Variants in RTN4 observed in about 807,000 individuals in gnomAD.
RTN4 encodes the protein reticulon 4, also known as reticulon-4.
Under a neutral mutation model 90.4 loss-of-function variants are expected in RTN4, and 32 were observed. The observed-to-expected ratio is 0.35, with a 90% CI of 0.27 to 0.48. The LOEUF (loss-of-function observed/expected upper bound fraction) is 0.48. RTN4 is among the 20% of genes least tolerant of loss of function. The pLI, the probability that RTN4 is intolerant of heterozygous loss-of-function variation, is 0.99. For synonymous variants in RTN4, 629 were observed against 552.5 expected, an observed-to-expected ratio of 1.14 and a Z score of -1.94; for missense variants, 1,706 against 1,430.2, an observed-to-expected ratio of 1.19 and a Z score of -3.11.
chr2:55,006,712 T>TA (rs1680253099), intron 3 of RTN4, among the ~76,000 whole-genome samples: 7 of 152,154 alleles, frequency 4.6e-5, no homozygotes, highest in Admixed American at 3.9e-4. Flanking sequence ...CACCTACTTT[T>TA]AAAATTTAAC....
At chr2:55,095,453 A>C (rs1192633750) in intron 1 of RTN4, among the ~76,000 whole-genome samples, 1 of 152,202 alleles carries the variant, frequency 6.6e-6, no homozygotes, top group African/African-American at 2.4e-5. Context: ...TCCATTTGTT[A>C]TAATTGATGA....
At chr2:55,132,682 C>T in the RTN4 span, among the ~76,000 whole-genome samples, 1 of 151,188 alleles carries the variant, frequency 6.6e-6, no homozygotes, top group African/African-American at 2.4e-5. Flanking sequence ...CATGATGGTG[C>T]ATGTGCCTGC....
intron 1 of RTN4, among the ~76,000 whole-genome samples, chr2:55,045,349 T>A (rs188446792): frequency 1.7e-4 from 26 of 152,320 alleles, no homozygotes; most frequent in African/African-American, 6.0e-4. Flanking sequence ...AAAAACAGAT[T>A]CACAGCCAAT....
chr2:55,046,899 C>G (rs1667777846), intron 1 of RTN4: 1 of 152,192 alleles, frequency 6.6e-6, no homozygotes, highest in African/African-American at 2.4e-5. Context: ...TTCCCCATTG[C>G]CTTCCAACCT....
At chr2:55,049,343 A>G (rs1336375274) in intron 1 of RTN4, 1 of 233,490 alleles carries the variant, frequency 4.3e-6, no homozygotes, top group Non-Finnish European at 7.7e-6. Context: ...GCACCTCCTA[A>G]AAATATCTGG....
At chr2:55,088,116 C>A (rs10193260) in intron 1 of RTN4, among the ~76,000 whole-genome samples, 25,119 of 152,150 alleles carry the variant, frequency 0.17, 3,990 homozygotes, top group African/African-American at 0.42. Flanking sequence ...ACAGCTAGCA[C>A]AGTTATCTCA....
At chr2:55,078,766 C>A (rs1668649551) in intron 2 of RTN4, among the ~76,000 whole-genome samples, 1 of 152,052 alleles carries the variant, frequency 6.6e-6, no homozygotes, top group South Asian at 2.1e-4. Flanking sequence ...TGATTGGGAT[C>A]ATGGAAAGAC....
upstream of RTN4, among the ~76,000 whole-genome samples, chr2:55,113,258 C>A (rs1189348185): frequency 6.6e-6 from 1 of 152,226 alleles, no homozygotes; most frequent in East Asian, 1.9e-4. Context: ...AAGGTGTATT[C>A]TCTTCTTTAT....
chr2:55,109,517 AC>A (rs1353363029), intron 1 of RTN4, among the ~76,000 whole-genome samples: 1 of 152,162 alleles, frequency 6.6e-6, no homozygotes, highest in Admixed American at 6.5e-5. Flanking sequence ...CTCAGCTTTG[AC>A]AAGGACATTT....
chr2:55,057,110 T>C (rs556195434), intron 2 of RTN4, among the ~76,000 whole-genome samples: 11 of 152,342 alleles, frequency 7.2e-5, no homozygotes, highest in African/African-American at 2.6e-4. Flanking sequence ...TGGATGTCAA[T>C]AAATTTAGCT....
intron 1 of RTN4, among the ~76,000 whole-genome samples, chr2:55,096,705 A>C (rs778921648): frequency 6.6e-6 from 1 of 152,150 alleles, no homozygotes; most frequent in African/African-American, 2.4e-5. Context: ...AACGCAAGCT[A>C]CTTTCCAGTT....
intron 3 of RTN4, among the ~76,000 whole-genome samples, chr2:55,023,980 CACAT>C (rs1681633950): frequency 6.6e-6 from 1 of 152,136 alleles, no homozygotes; most frequent in South Asian, 2.1e-4. Context: ...CCATGACAGA[CACAT>C]ACAGCCAAGA....
chr2:54,972,396 A>ACAGT lies in RTN4; in HGVS notation c.*756_*759dup, dbSNP rs755898216. On this transcript the variant is annotated 3_prime_UTR_variant, in exon 9 of 9. Transcript: ENST00000337526. ...CATAGATTCTGTGACAAAATTAACT[A>ACAGT]CAGTCAGTCTGTGCAATGAAATTGA... is the stretch of plus-strand genomic sequence containing the variant. 42 of 150,986 alleles carry ACAGT rather than the reference A, an allele frequency of 2.8e-4. No individual in the cohort carries two copies. Among genetic ancestry groups the ACAGT allele is most frequent in the African/African-American group, 4.6e-4 (19 of 41,440 alleles). The allele number at this position is 150,986 out of a possible 1,614,324, so 9.4% of individuals were successfully genotyped here.
rs1677235964 is a variant in RTN4, at chr2:54,973,032, G to A, written c.*124C>T. On this transcript the variant is annotated 3_prime_UTR_variant, in exon 9 of 9. Transcript: ENST00000337526. ...ACAACAGTGCATGGCTAAAAATAAA[G>A]ATCTAACAACGATCTGTGAAACTGC... The A allele has an allele frequency of 1.4e-6, 1 of 730,046 alleles. No individual in the cohort carries two copies. The highest frequency in any genetic ancestry group is 1.8e-5 in the African/African-American group (1 of 56,790). The allele number at this position is 730,046 out of a possible 1,614,324, so 45.2% of individuals were successfully genotyped here. A position where few individuals can be genotyped will look rare whatever the true frequency, so the allele number is the denominator to read the frequency against.
chr2:54,982,563 C>T lies in RTN4; in HGVS notation c.3312G>A (p.Lys1104=). The change falls in exon 5 of 9, where the codon AAG becomes AAA. Residue 1104 remains lysine, a synonymous_variant. Coordinates refer to ENST00000337526, the MANE Select transcript of RTN4 (RefSeq NM_020532.5). ...CAACTAAGAAGAGGCGCCTGAGTTC[C>T]TTTATCGTGCAGTTCACATGACCAA... The part of the protein sequence containing the change: ...SALGHVNCTI[K]ELRRLFLVDD... 1.2e-6 allele frequency: 2 copies of T among 1,613,554 alleles called. No individual in the cohort carries two copies. Among genetic ancestry groups the T allele is most frequent in the East Asian group, 2.2e-5 (1 of 44,852 alleles).
intron 8 of RTN4, 130 bp from the exon 9 acceptor site, chr2:54,973,328 G>C (rs1573250069): frequency 2.1e-6 from 2 of 965,490 alleles, no homozygotes; most frequent in Non-Finnish European, 3.1e-6. Context: ...CTAATTCTAA[G>C]CTATAATTTT....
chr2:55,109,692 A>G (rs1190139293), intron 1 of RTN4, among the ~76,000 whole-genome samples: 1 of 152,172 alleles, frequency 6.6e-6, no homozygotes, highest in Non-Finnish European at 1.5e-5. Context: ...TATATGTTCC[A>G]TGTTAGGGGT....
chr2:55,124,365 A>C, the RTN4 span, among the ~76,000 whole-genome samples: 47 of 152,386 alleles, frequency 3.1e-4, no homozygotes, highest in East Asian at 8.9e-3. Context: ...AAAGTCTCTG[A>C]TAGATAAAAG....
At chr2:54,992,795 C>T (rs376417143) in intron 3 of RTN4, among the ~76,000 whole-genome samples, 3 of 151,952 alleles carry the variant, frequency 2.0e-5, no homozygotes, top group African/African-American at 7.3e-5. Flanking sequence ...TATGGCCGGG[C>T]GTGGTGGCTC....
Sources: allele counts gnomAD v4.1 joint callset (sites outside exome capture counted in the v4.1 genomes callset), GRCh38; gene constraint gnomAD v4.1.1; transcripts MANE v1.5; gene names NCBI Gene and HGNC (gene_info 2026-07-23, HGNC 2026-07-21).